CLASP1: variants seen among roughly 807,000 people sequenced by gnomAD.
CLASP1 encodes the protein CLIP-associating protein 1.
A neutral mutation model predicts 192.3 loss-of-function variants in CLASP1; 38 were observed. That is an observed-to-expected ratio of 0.20 (90% confidence interval 0.15 to 0.26). The LOEUF (loss-of-function observed/expected upper bound fraction) is 0.26, where lower values mean the gene tolerates loss of function less well. CLASP1 is among the 10% of genes least tolerant of loss of function. CLASP1 has a pLI of 1.00. For missense variants in CLASP1, 1,433 were observed against 1,932.5 expected (o/e 0.74, Z 4.85); for synonymous variants, 691 against 712.8 (o/e 0.97, Z 0.49).
chr2:121,363,336 A>C (rs1422802361), intron 36 of CLASP1, 36 bp from the exon 38 acceptor site: 2 of 1,610,156 alleles, frequency 1.2e-6, no homozygotes, highest in East Asian at 4.5e-5. Flanking sequence ...ATCACCAAAC[A>C]CCACACAGCA....
intron 6 of CLASP1, among the ~76,000 whole-genome samples, chr2:121,518,987 T>C (rs896968679): frequency 6.6e-6 from 1 of 152,262 alleles, no homozygotes; most frequent in Non-Finnish European, 1.5e-5. Flanking sequence ...GGATAACATC[T>C]GCTCAGAGCA....
intron 25 of CLASP1, among the ~76,000 whole-genome samples, chr2:121,405,459 A>G (rs1261186187): frequency 6.6e-6 from 1 of 152,224 alleles, no homozygotes; most frequent in African/African-American, 2.4e-5. Context: ...AGGACAAAGC[A>G]AACACTCATT....
In CLASP1 at chr2:121,433,074, C is replaced by T. The variant is rs569531769; in HGVS notation, c.1913-2897G>A. On this transcript the variant is annotated intron_variant, in intron 19 of 39. Transcript: ENST00000263710. ...CGGTGGCTCATGCCTGTAATCCCAG[C>T]ACTTTAGGAGGCCAAGGTGAGCGGA... Among the ~76,000 whole-genome samples the T allele has an allele frequency of 3.3e-5, 5 of 152,222 alleles. No homozygotes were observed. The South Asian group carries it at 8.3e-4, about 25-fold the overall frequency.
intron 23 of CLASP1, among the ~76,000 whole-genome samples, chr2:121,411,172 C>T (rs1218285843): frequency 6.6e-6 from 1 of 152,164 alleles, no homozygotes; most frequent in African/African-American, 2.4e-5. Flanking sequence ...CACTGTCACT[C>T]GAAATTGTTC....
At chr2:121,519,831 C>T (rs2094416359) in intron 6 of CLASP1, among the ~76,000 whole-genome samples, 1 of 152,160 alleles carries the variant, frequency 6.6e-6, no homozygotes. Context: ...GTAGGACACT[C>T]TAATAGAGAA....
At chr2:121,425,435 A>G (rs1267949574) in intron 21 of CLASP1, 129 bp from the exon 22 acceptor site, 13 of 728,348 alleles carry the variant, frequency 1.8e-5, no homozygotes, top group Non-Finnish European at 2.3e-5. Context: ...ATAAATTTTT[A>G]TTTGGTGGTA....
intron 8 of CLASP1, among the ~76,000 whole-genome samples, chr2:121,484,735 C>T (rs2092852222): frequency 6.6e-6 from 1 of 152,184 alleles, no homozygotes; most frequent in Non-Finnish European, 1.5e-5. Flanking sequence ...AACAGATTCT[C>T]TTTCTTAAGC....
chr2:121,444,715 T>A (rs943316351), intron 19 of CLASP1, among the ~76,000 whole-genome samples: 7 of 152,090 alleles, frequency 4.6e-5, no homozygotes, highest in African/African-American at 1.7e-4. Flanking sequence ...ACTTTAGTGC[T>A]AAAATTCACA....
intron 24 of CLASP1, among the ~76,000 whole-genome samples, chr2:121,409,856 T>C (rs1328930639): frequency 3.3e-5 from 5 of 152,090 alleles, no homozygotes; most frequent in Non-Finnish European, 7.4e-5. Context: ...ATACATAAGG[T>C]TGAGGAATAC....
intron 22 of CLASP1, among the ~76,000 whole-genome samples, chr2:121,423,570 A>C (rs550225782): frequency 6.6e-6 from 1 of 152,318 alleles, no homozygotes; most frequent in Non-Finnish European, 1.5e-5. Flanking sequence ...CATCCTATAA[A>C]CTTAAACAAT....
chr2:121,519,219 G>A, intron 6 of CLASP1, among the ~76,000 whole-genome samples: 1 of 152,198 alleles, frequency 6.6e-6, no homozygotes, highest in East Asian at 1.9e-4. Context: ...TGTAAACTGA[G>A]GGTTGCTCTG....
intron 5 of CLASP1, among the ~76,000 whole-genome samples, chr2:121,526,541 G>C (rs1476997403): frequency 3.9e-5 from 6 of 152,040 alleles, no homozygotes; most frequent in Non-Finnish European, 7.4e-5. Context: ...TGGAGCTACT[G>C]TGATCAAAGG....
intron 34 of CLASP1, among the ~76,000 whole-genome samples, chr2:121,376,077 G>GT (rs2070040109): frequency 6.6e-6 from 1 of 152,132 alleles, no homozygotes; most frequent in Admixed American, 6.5e-5. Context: ...TATACCATTG[G>GT]TGAGAATGTA....
intron 8 of CLASP1, among the ~76,000 whole-genome samples, chr2:121,478,679 C>G (rs2092009549): frequency 1.1e-5 from 1 of 92,422 alleles, no homozygotes; most frequent in Non-Finnish European, 2.3e-5. Flanking sequence ...ACACACCACA[C>G]ACACACCCCA....
intron 8 of CLASP1, chr2:121,470,584 T>G (rs138456925): frequency 2.3e-6 from 1 of 429,070 alleles, no homozygotes; most frequent in African/African-American, 2.1e-5. Context: ...CTCTTATTGT[T>G]AGATATTTAG....
chr2:121,637,896 A>AG (rs796532849), intron 1 of CLASP1, among the ~76,000 whole-genome samples: 15 of 152,000 alleles, frequency 9.9e-5, no homozygotes, highest in African/African-American at 2.2e-4. Flanking sequence ...AAAAAAAAAA[A>AG]GAATTGAAAA....
rs560603836 is a variant in CLASP1 at position 121,578,854 on chromosome 2, C to A, written c.195+26847G>T. ...AAGAGGAATTAAAAACACACACACA[C>A]AAAAAAAAACTTCACTCTGTAAGTC... On this transcript the variant is annotated intron_variant, in intron 2 of 39. Coordinates refer to ENST00000263710, the Ensembl canonical transcript of CLASP1. Among the ~76,000 whole-genome samples, 191 of 150,894 alleles carry A rather than the reference C, an allele frequency of 1.3e-3. 1 individual carries two copies. The highest frequency in any genetic ancestry group is 3.6e-3 in the South Asian group (17 of 4,754).
intron 2 of CLASP1, among the ~76,000 whole-genome samples, chr2:121,577,699 G>A (rs1576166952): frequency 6.6e-6 from 1 of 152,174 alleles, no homozygotes; most frequent in Non-Finnish European, 1.5e-5. Context: ...AAATGAGGTT[G>A]AAAATATGGT....
chr2:121,478,982 ACCACACACC>A (rs2092307031), intron 8 of CLASP1, among the ~76,000 whole-genome samples: 2 of 38,264 alleles, frequency 5.2e-5, no homozygotes, highest in Non-Finnish European at 9.2e-5. Flanking sequence ...CCACACACAC[ACCACACACC>A]CCACACACAC....
Sources: allele counts gnomAD v4.1 joint callset (sites outside exome capture counted in the v4.1 genomes callset), GRCh38; gene constraint gnomAD v4.1.1; transcripts MANE v1.5; gene names NCBI Gene and HGNC (gene_info 2026-07-23, HGNC 2026-07-21).